The following TCERG1 variants were observed in gnomAD, a reference collection of about 807,000 sequenced individuals.
TCERG1 encodes transcription elongation regulator 1, also known as TATA box binding protein (TBP)-associated factor, RNA polymerase II, S, 150kD.
Under a neutral mutation model 144.7 loss-of-function variants are expected in TCERG1, and 37 were observed. The observed-to-expected ratio is 0.26, with a 90% confidence interval of 0.20 to 0.34. The LOEUF (loss-of-function observed/expected upper bound fraction) is 0.34. TCERG1 is among the 10% of genes least tolerant of loss of function. The pLI is 1.00. For missense variants in TCERG1, 1,027 were observed against 1,380.7 expected, an observed-to-expected ratio of 0.74 and a Z score of 4.06; for synonymous variants, 492 against 458.2, an observed-to-expected ratio of 1.07 and a Z score of -0.94.
At chr5:146,478,715 A>C in intron 10 of TCERG1, 62 bp downstream of exon 10, 1 of 1,458,838 alleles carries the variant, frequency 6.9e-7, no homozygotes, top group Non-Finnish European at 9.1e-7. Context: ...TTTGATAGAA[A>C]ATGTGGAAGG....
Position 146,482,651 on chromosome 5 carries a change from A to C in TCERG1, c.1997A>C (p.Lys666Thr). 2 of 1,613,286 alleles carry C rather than the reference A, an allele frequency of 1.2e-6. No homozygotes were observed. The highest frequency in any genetic ancestry group is 1.7e-6 in the Non-Finnish European group (2 of 1,179,482). The stretch of plus-strand genomic sequence containing the variant: ...GAAGCTGCCATGGAAGCTGAAATTA[A>C]AGCTGCCCGAGAAAGGGCCATTGTC... ...EKEAAMEAEI[K>T]AARERAIVPL... The change falls in exon 14 of 23, where the codon AAA becomes ACA. Residue 666 changes from lysine (K) to threonine (T), a missense_variant. This residue lies in a region of TCERG1 where 482 missense variants were observed against 632.6 expected (regional missense o/e 0.76). Coordinates refer to ENST00000679501, the MANE Select transcript of TCERG1 (RefSeq NM_001382548.1).
chr5:146,489,112 AAGAT>A (rs1203968134), intron 15 of TCERG1, among the ~76,000 whole-genome samples: 1 of 152,184 alleles, frequency 6.6e-6, no homozygotes, highest in Non-Finnish European at 1.5e-5. Context: ...ACTGGATAGG[AAGAT>A]TAAGTCCTGG....
In TCERG1 at chr5:146,468,332, A is replaced by G. The variant is rs562422365; in HGVS notation, c.1136-9A>G. 139 of 1,592,882 alleles carry G rather than the reference A, an allele frequency of 8.7e-5. 2 individuals carry two copies. The highest frequency in any genetic ancestry group is 2.7e-4 in the South Asian group (24 of 87,796). The stretch of plus-strand genomic sequence containing the variant: ...CTTTCCAACGTATGCTTGCTTATCC[A>G]TTTTACAGGTGTAGCAATGATGCAA... On this transcript the variant is annotated splice_polypyrimidine_tract_variant and intron_variant, in intron 5 of 22. Coordinates refer to ENST00000679501, the MANE Select transcript of TCERG1 (RefSeq NM_001382548.1).
At chr5:146,467,184 AC>A (rs1763872450) in intron 5 of TCERG1, among the ~76,000 whole-genome samples, 1 of 152,152 alleles carries the variant, frequency 6.6e-6, no homozygotes, top group South Asian at 2.1e-4. Flanking sequence ...AATAATTGAC[AC>A]TATTTTTGTT....
intron 14 of TCERG1, 97 bp from the exon 15 acceptor site, chr5:146,483,443 C>T: frequency 1.9e-6 from 2 of 1,065,782 alleles, no homozygotes; most frequent in East Asian, 2.5e-5. Flanking sequence ...TTTATGTCTC[C>T]TTTATAAACA....
rs773455922 is a variant in TCERG1 at position 146,471,469 on chromosome 5, G to A, written c.1513-19G>A. The A allele has an allele frequency of 3.7e-6, 6 of 1,604,342 alleles. No homozygotes were observed. In the East Asian group the frequency reaches 1.3e-4, roughly 36 times the overall value. The stretch of plus-strand genomic sequence containing the variant: ...TATTGTTAATGTGATACTAATTAGA[G>A]TAATATCATTTCTTGTAGGAGCCCA... On this transcript the variant is annotated intron_variant, in intron 8 of 22. Transcript: ENST00000679501.
At chr5:146,490,123 A>G (rs1410654581) in intron 15 of TCERG1, among the ~76,000 whole-genome samples, 15 of 152,198 alleles carry the variant, frequency 9.9e-5, no homozygotes, top group Non-Finnish European at 2.2e-4. Context: ...TCAGCATGCA[A>G]ATACTTTCAA....
In TCERG1 at chr5:146,507,236, A is replaced by G. The variant is rs1481508690; in HGVS notation, c.2961+29A>G. ...AGAATCTCTTATTTTTCTCATTTTA[A>G]TCTGGATGAATCTTGTTAGTAATTT... On this transcript the variant is annotated intron_variant, in intron 20 of 22. Coordinates refer to ENST00000679501, the MANE Select transcript of TCERG1 (RefSeq NM_001382548.1). The surrounding 1 kb of genome is among the most constrained non-coding windows in gnomAD (Gnocchi z 4.6). 6.6e-7 allele frequency: 1 copy of G among 1,521,076 alleles called. No homozygotes were observed. Among genetic ancestry groups the G allele is most frequent in the Admixed American group, 2.2e-5 (1 of 45,490 alleles). The allele number at this position is 1,521,076 out of a possible 1,614,324, so 94.2% of individuals were successfully genotyped here. A position where few individuals can be genotyped will look rare whatever the true frequency, so the allele number is the denominator to read the frequency against.
intron 19 of TCERG1, chr5:146,505,473 C>T (rs2150904316): frequency 3.3e-5 from 1 of 30,566 alleles, no homozygotes; most frequent in East Asian, 4.1e-3. Context: ...TCCTTAACAC[C>T]TTTGCTTTCT....
At chr5:146,467,680 C>T (rs1763910269) in intron 5 of TCERG1, among the ~76,000 whole-genome samples, 1 of 152,166 alleles carries the variant, frequency 6.6e-6, no homozygotes. Flanking sequence ...AGCCTGCTTC[C>T]ACAGTGTTCT....
chr5:146,495,349 G>A (rs982162564), intron 16 of TCERG1, among the ~76,000 whole-genome samples: 4 of 152,068 alleles, frequency 2.6e-5, no homozygotes, highest in Non-Finnish European at 5.9e-5. Flanking sequence ...TTCAAATTTG[G>A]GATGCCCAAC....
At chr5:146,466,039 G>A (rs867952570) in intron 5 of TCERG1, among the ~76,000 whole-genome samples, 1,473 of 134,518 alleles carry the variant, frequency 0.011, 13 homozygotes, top group Middle Eastern at 0.018. Flanking sequence ...AAAAAAAAAA[G>A]ATATATTAGC....
chr5:146,484,615 C>T (rs1765658681), intron 15 of TCERG1, among the ~76,000 whole-genome samples: 1 of 152,146 alleles, frequency 6.6e-6, no homozygotes, highest in Non-Finnish European at 1.5e-5. Context: ...GACATAACTT[C>T]CTTAATGTAT....
intron 19 of TCERG1, among the ~76,000 whole-genome samples, chr5:146,505,270 C>A (rs1767866878): frequency 6.6e-6 from 1 of 152,130 alleles, no homozygotes. Context: ...CTACCTCTAA[C>A]ATTCCCTCAA....
chr5:146,488,111 C>G (rs137993784), intron 15 of TCERG1, among the ~76,000 whole-genome samples: 46 of 152,070 alleles, frequency 3.0e-4, no homozygotes, highest in African/African-American at 8.9e-4. Flanking sequence ...CAAAATAGAT[C>G]AAAGACCTAC....
rs1561640668 is a variant in TCERG1, at chr5:146,459,156, C to G, written c.711C>G (p.Ala237=). ...AQAQAQAQAQ[A]QAQAQVQAQV... ...CTCAGGCTCAGGCACAAGCTCAGGC[C>G]CAGGCCCAGGCTCAGGTCCAGGCCC... Residue 237 remains alanine (A), a synonymous_variant, in exon 4 of 23, where the codon GCC becomes GCG. Coordinates refer to ENST00000679501, the MANE Select transcript of TCERG1 (RefSeq NM_001382548.1). 1 of 1,612,580 alleles carries G rather than the reference C, an allele frequency of 6.2e-7. No homozygotes were observed. Among genetic ancestry groups the G allele is most frequent in the East Asian group, 2.2e-5 (1 of 44,802 alleles).
chr5:146,460,300 C>T (rs1012841983), intron 4 of TCERG1, among the ~76,000 whole-genome samples: 4 of 150,952 alleles, frequency 2.6e-5, no homozygotes, highest in African/African-American at 9.7e-5. Context: ...ATTAATGTGA[C>T]AATATTGCTT....
Position 146,500,262 on chromosome 5 carries a change from C to G in TCERG1, c.2433+1576C>G, listed in dbSNP as rs534209272. Among the ~76,000 whole-genome samples, 32 of 151,848 alleles carry G rather than the reference C, an allele frequency of 2.1e-4. 1 individual carries two copies. In the East Asian group the frequency reaches 3.7e-3, roughly 17 times the overall value. ...TCAGTGAGTGACTAGGCCATCAAAG[C>G]AGAAATCTTTAAAGTAAGGGTTTAA... On this transcript the variant is annotated intron_variant, in intron 17 of 22. Transcript: ENST00000679501.
chr5:146,466,952 A>T (rs920204101), intron 5 of TCERG1, among the ~76,000 whole-genome samples: 1 of 152,236 alleles, frequency 6.6e-6, no homozygotes, highest in Non-Finnish European at 1.5e-5. Flanking sequence ...GCTCCTGCAG[A>T]TGGCAGTATT....
Sources: gnomAD v4.1 joint callset for allele counts (sites outside exome capture counted in the v4.1 genomes callset) on GRCh38, gnomAD v4.1.1 for gene constraint, gnomAD v4.1.1 regional missense constraint, Gnocchi (gnomAD v3.1) non-coding constraint, MANE v1.5 for transcripts, NCBI Gene and HGNC (gene_info 2026-07-23, HGNC 2026-07-21) for gene names.